The following MYO9B variants were observed in gnomAD, a reference collection of about 807,000 sequenced individuals.
MYO9B encodes the protein unconventional myosin-IXb.
Under a neutral mutation model 229.5 loss-of-function variants are expected in MYO9B, and 71 were observed. The observed-to-expected ratio is 0.31, with a 90% CI of 0.26 to 0.38. The LOEUF (loss-of-function observed/expected upper bound fraction) is 0.38, where lower values mean the gene tolerates loss of function less well. Among genes scored for constraint, MYO9B ranks in the 10% least tolerant of loss-of-function variants. The pLI is 1.00. For missense variants in MYO9B, 2,255 were observed against 2,920.5 expected, an observed-to-expected ratio of 0.77 and a Z score of 5.25; for synonymous variants, 1,185 against 1,235.8, an observed-to-expected ratio of 0.96 and a Z score of 0.86.
chr19:17,169,706 T>C (rs1269747372), intron 11 of MYO9B, among the ~76,000 whole-genome samples: 2 of 152,028 alleles, frequency 1.3e-5, no homozygotes, highest in African/African-American at 4.8e-5. Flanking sequence ...TTTCCTTGGC[T>C]TTTGGCCACA....
At chr19:17,118,644 C>A (rs2057931363) in intron 2 of MYO9B, among the ~76,000 whole-genome samples, 2 of 151,890 alleles carry the variant, frequency 1.3e-5, no homozygotes, top group Non-Finnish European at 2.9e-5. Context: ...ATCACGCCCA[C>A]CTGATTTTTG....
chr19:17,201,781 C>T, intron 26 of MYO9B, 145 bp from the exon 27 acceptor site: 1 of 639,154 alleles, frequency 1.6e-6, no homozygotes, highest in Non-Finnish European at 2.7e-6. Context: ...AGATGAGAGA[C>T]CAGGCTTGGC....
At chr19:17,108,572 T>C (rs2057815564) in intron 2 of MYO9B, among the ~76,000 whole-genome samples, 1 of 150,900 alleles carries the variant, frequency 6.6e-6, no homozygotes, top group Non-Finnish European at 1.5e-5. Context: ...CTTCCCGTTG[T>C]CCCCTGGGGA....
rs568075269 is a variant in MYO9B at position 17,154,501 on chromosome 19, G to A, written c.1199+86G>A. ...TACCAGTCACTCTGAGGTCTAACCTGCAACCCAGTGAAAACAGGCAGGCAG... is the reference window on the plus strand; with the variant it reads ...TACCAGTCACTCTGAGGTCTAACCTACAACCCAGTGAAAACAGGCAGGCAG... On this transcript the variant is annotated intron_variant, in intron 6 of 39. Coordinates refer to ENST00000682292, the MANE Select transcript of MYO9B (RefSeq NM_004145.4). 5.3e-5 allele frequency: 53 copies of A among 1,005,472 alleles called. No individual in the cohort carries two copies. In the South Asian group the frequency reaches 7.2e-4, roughly 14 times the overall value. 62.3% of individuals were successfully genotyped at this position (1,005,472 alleles called of 1,614,324 possible). A position where few individuals can be genotyped will look rare whatever the true frequency, so the allele number is the denominator to read the frequency against.
At chr19:17,163,727 A>G (rs978945733) in intron 10 of MYO9B, among the ~76,000 whole-genome samples, 2 of 152,136 alleles carry the variant, frequency 1.3e-5, no homozygotes, top group African/African-American at 4.8e-5. Flanking sequence ...GAAATTAGAC[A>G]TTATTTGTCT....
chr19:17,205,292 G>T lies in MYO9B; in HGVS notation c.5020G>T (p.Val1674Leu). 1 of 1,613,848 alleles carries T rather than the reference G, an allele frequency of 6.2e-7. No homozygotes were observed. Among genetic ancestry groups the T allele is most frequent in the Non-Finnish European group, 8.5e-7 (1 of 1,179,838 alleles). ...CAAGATGACCTGCCACAAGAAGTGC[G>T]TGCACAAGATTCAGAGCCACTGCTC... ...VCKMTCHKKC[V>L]HKIQSHCSYT... Residue 1674 changes from valine (V) to leucine (L), a missense_variant, in exon 31 of 40, where the codon GTG becomes TTG. Physicochemically the swap from Val to Leu is conservative, Grantham distance 32 (BLOSUM62 1). Transcript: ENST00000682292.
At chr19:17,196,576 G>A (rs2073045498) in intron 22 of MYO9B, among the ~76,000 whole-genome samples, 2 of 152,008 alleles carry the variant, frequency 1.3e-5, no homozygotes. Flanking sequence ...CCAGCTACTT[G>A]GGAGGCTGAG....
At position 17,101,603 on chromosome 19, in the gene MYO9B, G is replaced by A; in HGVS notation, c.-58-57G>A. The A allele has an allele frequency of 2.1e-6, 3 of 1,413,798 alleles. No individual in the cohort carries two copies. Among genetic ancestry groups the A allele is most frequent in the Non-Finnish European group, 2.8e-6 (3 of 1,077,568 alleles). The allele number at this position is 1,413,798 out of a possible 1,614,324, so 87.6% of individuals were successfully genotyped here. Reference sequence around the variant, plus strand: ...TCTGCCCAGGAGTGGGACTCCACATGCCCCTTAAACTTCCTCCCACCATTC... The same window carrying A: ...TCTGCCCAGGAGTGGGACTCCACATACCCCTTAAACTTCCTCCCACCATTC... On this transcript the variant is annotated intron_variant, in intron 1 of 39. Coordinates refer to ENST00000682292, the MANE Select transcript of MYO9B (RefSeq NM_004145.4). The surrounding 1 kb of genome is among the most constrained non-coding windows in gnomAD (Gnocchi z 4.7).
At chr19:17,081,273 C>T (rs1359852712) in intron 1 of MYO9B, among the ~76,000 whole-genome samples, 1 of 152,098 alleles carries the variant, frequency 6.6e-6, no homozygotes. Context: ...GGTGATCAGC[C>T]CGCTCGGACT....
chr19:17,210,516 C>G, intron 37 of MYO9B, 136 bp downstream of exon 37: 1 of 1,275,390 alleles, frequency 7.8e-7, no homozygotes, highest in Non-Finnish European at 1.1e-6. Flanking sequence ...GGGGAGGCCC[C>G]TTGCCTGCTG....
chr19:17,137,602 A>G (rs554128102), intron 2 of MYO9B, among the ~76,000 whole-genome samples: 2 of 152,150 alleles, frequency 1.3e-5, no homozygotes, highest in East Asian at 3.9e-4. Flanking sequence ...TCCTTGTCCC[A>G]TGACCCAAAC....
chr19:17,124,273 A>G (rs1215621710), intron 2 of MYO9B, among the ~76,000 whole-genome samples: 1 of 152,074 alleles, frequency 6.6e-6, no homozygotes, highest in Non-Finnish European at 1.5e-5. Context: ...TAGGAGGATC[A>G]CTTGAGCCCA....
chr19:17,200,508 G>T (rs2073095295), intron 25 of MYO9B, 82 bp downstream of exon 25: 3 of 1,515,616 alleles, frequency 2.0e-6, no homozygotes, highest in South Asian at 2.5e-5. Flanking sequence ...ACGGGGCCTT[G>T]AGTTGGCTGT....
Position 17,195,355 on chromosome 19 carries a change from G to T in MYO9B, c.3928G>T (p.Val1310Leu), listed in dbSNP as rs775579348. Residue 1310 changes from valine (V) to leucine (L), a missense_variant, in exon 22 of 40, where the codon GTG (valine) becomes TTG (leucine). Val to Leu is a conservative substitution (Grantham distance 32). This residue lies in a region of MYO9B where 679 missense variants were observed against 770.2 expected (regional missense o/e 0.88). Coordinates refer to ENST00000682292, the MANE Select transcript of MYO9B (RefSeq NM_004145.4). This position sits in a 1 kb window ranked among gnomAD's most constrained non-coding sequence, Gnocchi z 4.5. Reference sequence around the variant, plus strand: ...GGACGCCGAGCGGCTGGCCAGCGCCGTGGAACTGTGGCGGGGCAAGAAGCT... The same window carrying T: ...GGACGCCGAGCGGCTGGCCAGCGCCTTGGAACTGTGGCGGGGCAAGAAGCT... ...YLDAERLASAVELWRGKKLVA... is the reference protein window; with the variant it reads ...YLDAERLASALELWRGKKLVA... 6.2e-7 allele frequency: 1 copy of T among 1,611,920 alleles called. No individual in the cohort carries two copies. The highest frequency in any genetic ancestry group is 1.7e-5 in the Admixed American group (1 of 59,968).
intron 11 of MYO9B, among the ~76,000 whole-genome samples, chr19:17,169,489 G>A (rs1379508486): frequency 5.3e-5 from 8 of 152,108 alleles, no homozygotes; most frequent in Non-Finnish European, 1.2e-4. Flanking sequence ...CATGGTGGCG[G>A]GTGCCTATAA....
intron 11 of MYO9B, among the ~76,000 whole-genome samples, chr19:17,169,676 C>T (rs940701180): frequency 3.9e-5 from 6 of 152,124 alleles, no homozygotes; most frequent in African/African-American, 1.4e-4. Flanking sequence ...TTGCCTCCTC[C>T]AGCTTCTAGG....
At chr19:17,175,825 T>A in intron 14 of MYO9B, 84 bp downstream of exon 14, 139 of 94,852 alleles carry the variant, frequency 1.5e-3, no homozygotes, top group Middle Eastern at 3.3e-3. Context: ...TGCTACATTC[T>A]TTTTTTTTTT....
chr19:17,169,793 T>C (rs1299619998), intron 11 of MYO9B, among the ~76,000 whole-genome samples: 1 of 124,724 alleles, frequency 8.0e-6, no homozygotes, highest in East Asian at 2.5e-4. Context: ...ATCTCAATCC[T>C]GTCTCCTCCT....
intron 1 of MYO9B, among the ~76,000 whole-genome samples, chr19:17,098,817 C>T (rs987722743): frequency 1.3e-5 from 2 of 151,970 alleles, no homozygotes; most frequent in African/African-American, 4.8e-5. Context: ...CACCTATAGT[C>T]CCAGCTACTT....
Sources: gnomAD v4.1 joint callset for allele counts (sites outside exome capture counted in the v4.1 genomes callset) on GRCh38, gnomAD v4.1.1 for gene constraint, gnomAD v4.1.1 regional missense constraint, Gnocchi (gnomAD v3.1) non-coding constraint, MANE v1.5 for transcripts, NCBI Gene and HGNC (gene_info 2026-07-23, HGNC 2026-07-21) for gene names.